TMEM117: variants seen among roughly 807,000 people sequenced by gnomAD.
The protein encoded by TMEM117 is transmembrane protein 117.
TMEM117 carries 27 observed loss-of-function variants against 52.4 expected under a neutral mutation model. The ratio of observed to expected loss-of-function variants is 0.51; its 90% CI spans 0.38 to 0.71. The LOEUF (loss-of-function observed/expected upper bound fraction) is 0.71. TMEM117 is among the 30% of genes least tolerant of loss of function. The probability of loss-of-function intolerance (pLI) is 0.00; values close to 1 mark genes in which losing one functional copy is unlikely to be tolerated. For missense variants in TMEM117, 556 were observed against 630.5 expected (o/e 0.88, Z 1.26); for synonymous variants, 215 against 206.3 (o/e 1.04, Z -0.36).
At chr12:44,086,470 C>T (rs892314287) in intron 3 of TMEM117, among the ~76,000 whole-genome samples, 3 of 152,060 alleles carry the variant, frequency 2.0e-5, no homozygotes, top group African/African-American at 4.8e-5. Flanking sequence ...CCCTCTCAGC[C>T]GCCCAAAGTG....
intron 5 of TMEM117, among the ~76,000 whole-genome samples, chr12:44,262,414 A>C (rs1950330579): frequency 6.6e-6 from 1 of 152,226 alleles, no homozygotes; most frequent in Admixed American, 6.5e-5. Flanking sequence ...ATTCTGGTAG[A>C]ACCAGTAAAA....
chr12:44,207,216 G>A (rs1224896588), intron 4 of TMEM117, among the ~76,000 whole-genome samples: 1 of 152,148 alleles, frequency 6.6e-6, no homozygotes, highest in Admixed American at 6.6e-5. Context: ...TACCTCAAGA[G>A]TGACACTACA....
At chr12:44,094,330 CATGCATTTGGTA>C (rs1380966025) in intron 3 of TMEM117, among the ~76,000 whole-genome samples, 1 of 151,994 alleles carries the variant, frequency 6.6e-6, no homozygotes, top group Non-Finnish European at 1.5e-5. Context: ...GTTAGAGCGG[CATGCATTTGGTA>C]ATTGGACAGA....
intron 3 of TMEM117, among the ~76,000 whole-genome samples, chr12:44,061,903 G>T (rs1020891708): frequency 1.3e-5 from 2 of 152,148 alleles, no homozygotes; most frequent in African/African-American, 4.8e-5. Flanking sequence ...TGAATAAGAG[G>T]TGGTTATCTT....
Position 44,388,751 on chromosome 12 carries a change from T to C in TMEM117, c.*79T>C. On this transcript the variant is annotated 3_prime_UTR_variant, in exon 8 of 8. Coordinates refer to ENST00000266534, the MANE Select transcript of TMEM117 (RefSeq NM_032256.3). Reference sequence around the variant, plus strand: ...AAAATTTAGTCTTTCCTTTTGTATATGTAAGGTTTACGTAGTGTTAGGTAA... The same window carrying C: ...AAAATTTAGTCTTTCCTTTTGTATACGTAAGGTTTACGTAGTGTTAGGTAA... 1 of 1,501,536 alleles carries C rather than the reference T, an allele frequency of 6.7e-7. No homozygotes were observed. The highest frequency in any genetic ancestry group is 9.0e-7 in the Non-Finnish European group (1 of 1,109,368). 93.0% of individuals were successfully genotyped at this position (1,501,536 alleles called of 1,614,324 possible). A position where few individuals can be genotyped will look rare whatever the true frequency, so the allele number is the denominator to read the frequency against.
intron 6 of TMEM117, among the ~76,000 whole-genome samples, chr12:44,363,036 C>T (rs2138813750): frequency 6.6e-6 from 1 of 151,914 alleles, no homozygotes; most frequent in East Asian, 1.9e-4. Flanking sequence ...ATGAGAGACA[C>T]AAACGAAACA....
At chr12:43,873,457 G>A (rs1475454241) in intron 2 of TMEM117, among the ~76,000 whole-genome samples, 1 of 152,006 alleles carries the variant, frequency 6.6e-6, no homozygotes, top group African/African-American at 2.4e-5. Flanking sequence ...CAGAGGTTTA[G>A]TACCCTAATG....
chr12:44,001,646 C>T (rs776130671), intron 3 of TMEM117, among the ~76,000 whole-genome samples: 52 of 151,488 alleles, frequency 3.4e-4, no homozygotes, highest in Non-Finnish European at 6.6e-4. Flanking sequence ...TAATTGAAGA[C>T]AAATTCACAG....
chr12:44,030,610 T>C (rs56273244), intron 3 of TMEM117, among the ~76,000 whole-genome samples: 365 of 152,350 alleles, frequency 2.4e-3, no homozygotes, highest in Non-Finnish European at 4.7e-3. Context: ...ATGTGGATTT[T>C]TCTTGCCTAA....
chr12:44,058,129 G>T (rs2137946054), intron 3 of TMEM117, among the ~76,000 whole-genome samples: 1 of 150,376 alleles, frequency 6.6e-6, no homozygotes, highest in East Asian at 1.9e-4. Context: ...ATAATAGAGA[G>T]ATGTAGAAAA....
intron 2 of TMEM117, among the ~76,000 whole-genome samples, chr12:43,937,124 G>A (rs576740372): frequency 6.6e-6 from 1 of 152,244 alleles, no homozygotes; most frequent in African/African-American, 2.4e-5. Flanking sequence ...AAGGAAGTTA[G>A]GATAGTCATG....
At chr12:44,070,698 C>CT (rs1294093860) in intron 3 of TMEM117, among the ~76,000 whole-genome samples, 2 of 152,178 alleles carry the variant, frequency 1.3e-5, no homozygotes, top group African/African-American at 4.8e-5. Context: ...AGGGCAGAGA[C>CT]TAACACAGAT....
At chr12:43,848,903 G>A (rs1943258498) in intron 2 of TMEM117, among the ~76,000 whole-genome samples, 1 of 152,198 alleles carries the variant, frequency 6.6e-6, no homozygotes, top group Non-Finnish European at 1.5e-5. Flanking sequence ...GGAGTGGGCA[G>A]GGGCCTAAAG....
chr12:44,002,913 C>G (rs1946138206), intron 3 of TMEM117, among the ~76,000 whole-genome samples: 1 of 152,192 alleles, frequency 6.6e-6, no homozygotes, highest in Non-Finnish European at 1.5e-5. Context: ...TCCTCCCCAA[C>G]ATGGTCATCA....
the TMEM117 span, among the ~76,000 whole-genome samples, chr12:43,805,219 A>G: frequency 3.3e-5 from 5 of 152,342 alleles, no homozygotes; most frequent in African/African-American, 1.2e-4. Context: ...AAGAACCACT[A>G]TGTAAGTAGG....
intron 6 of TMEM117, among the ~76,000 whole-genome samples, chr12:44,310,099 G>T (rs1950955099): frequency 6.6e-6 from 1 of 152,074 alleles, no homozygotes; most frequent in Admixed American, 6.5e-5. Context: ...TTTTTTAAAT[G>T]CTTGAAGTAT....
intron 5 of TMEM117, among the ~76,000 whole-genome samples, chr12:44,278,846 A>C (rs1037179552): frequency 6.6e-6 from 1 of 152,144 alleles, no homozygotes; most frequent in African/African-American, 2.4e-5. Context: ...TCACAACACA[A>C]TGGTGTTAAT....
intron 6 of TMEM117, among the ~76,000 whole-genome samples, chr12:44,363,974 C>T (rs1951757389): frequency 1.3e-5 from 2 of 152,138 alleles, no homozygotes; most frequent in South Asian, 4.1e-4. Flanking sequence ...GTCACCTAAA[C>T]AATTTCATAA....
At chr12:43,813,576 C>T in the TMEM117 span, among the ~76,000 whole-genome samples, 1 of 151,994 alleles carries the variant, frequency 6.6e-6, no homozygotes, top group Non-Finnish European at 1.5e-5. Context: ...ATTTTTCCCT[C>T]CCTTTCTCTG....
Sources: gnomAD v4.1 joint callset for allele counts (sites outside exome capture counted in the v4.1 genomes callset) on GRCh38, gnomAD v4.1.1 for gene constraint, MANE v1.5 for transcripts, NCBI Gene and HGNC (gene_info 2026-07-23, HGNC 2026-07-21) for gene names.